The following CERT1 variants were observed in gnomAD, a reference collection of about 807,000 sequenced individuals.
The protein encoded by CERT1 is ceramide transporter 1, also known as ceramide transfer protein.
In CERT1, 31 loss-of-function variants were observed where a neutral mutation model predicts 87.9. The observed-to-expected ratio is 0.35, with a 90% confidence interval of 0.27 to 0.48. CERT1 has a LOEUF of 0.48. Ranked by LOEUF, CERT1 falls within the 20% of genes least tolerant of loss-of-function variation. CERT1 has a pLI of 0.99. For synonymous variants in CERT1, 289 were observed against 250.9 expected, an observed-to-expected ratio of 1.15 and a Z score of -1.44; for missense variants, 487 against 758.0, an observed-to-expected ratio of 0.64 and a Z score of 4.20.
At chr5:75,489,590 A>C (rs982294918) in intron 2 of CERT1, among the ~76,000 whole-genome samples, 5 of 152,248 alleles carry the variant, frequency 3.3e-5, no homozygotes, top group African/African-American at 1.2e-4. Flanking sequence ...ATGAACAGAC[A>C]CTTTTCAAGA....
At chr5:75,382,402 TATC>T (rs1399654154) in intron 14 of CERT1, among the ~76,000 whole-genome samples, 12 of 152,294 alleles carry the variant, frequency 7.9e-5, no homozygotes, top group African/African-American at 2.9e-4. Context: ...CTCTGAAATT[TATC>T]ATCATCCCAA....
At chr5:75,471,201 T>C (rs777652196) in intron 2 of CERT1, among the ~76,000 whole-genome samples, 1 of 152,184 alleles carries the variant, frequency 6.6e-6, no homozygotes, top group African/African-American at 2.4e-5. Flanking sequence ...GGTGATTTCG[T>C]CAGCTATACA....
chr5:75,380,927 A>C (rs1396209235), intron 16 of CERT1, 145 bp downstream of exon 16: 6 of 795,400 alleles, frequency 7.5e-6, no homozygotes, highest in Non-Finnish European at 1.2e-5. Flanking sequence ...AAGATTCTCT[A>C]GTAATTCTGA....
intron 8 of CERT1, among the ~76,000 whole-genome samples, chr5:75,407,586 G>A (rs376537931): frequency 6.6e-6 from 1 of 151,554 alleles, no homozygotes; most frequent in Non-Finnish European, 1.5e-5. Context: ...ACATGGCCAA[G>A]TTAATCGTAA....
chr5:75,413,086 T>G (rs1463234605), intron 7 of CERT1, among the ~76,000 whole-genome samples: 2 of 152,170 alleles, frequency 1.3e-5, no homozygotes, highest in Admixed American at 1.3e-4. Context: ...TTTAAAAAAT[T>G]TATTTTTTTT....
At chr5:75,463,071 T>C (rs1365710784) in intron 2 of CERT1, among the ~76,000 whole-genome samples, 3 of 150,024 alleles carry the variant, frequency 2.0e-5, no homozygotes, top group Non-Finnish European at 3.0e-5. Context: ...TATAATAATG[T>C]AGAGTATCAA....
chr5:75,509,414 T>C (rs1443342741), intron 1 of CERT1, among the ~76,000 whole-genome samples: 1 of 151,904 alleles, frequency 6.6e-6, no homozygotes, highest in Non-Finnish European at 1.5e-5. Context: ...CTCAGGAAAA[T>C]TTCCTTCATA....
upstream of CERT1, chr5:75,511,665 T>C (rs1768014376): frequency 6.6e-7 from 1 of 1,514,338 alleles, no homozygotes; most frequent in Non-Finnish European, 8.9e-7. Context: ...CTCCCCTTCG[T>C]CCTCCCATTC....
chr5:75,432,442 A>C (rs1763910918), intron 3 of CERT1, among the ~76,000 whole-genome samples: 1 of 152,166 alleles, frequency 6.6e-6, no homozygotes, highest in East Asian at 1.9e-4. Context: ...GATGGTTCTG[A>C]TTTACATTTA....
intron 2 of CERT1, among the ~76,000 whole-genome samples, chr5:75,491,512 C>CA (rs113977857): frequency 1.3e-4 from 19 of 150,028 alleles, no homozygotes; most frequent in African/African-American, 2.7e-4. Context: ...ACTGAAAATA[C>CA]AAAAAAAAAG....
chr5:75,447,758 G>A (rs1190857644), intron 3 of CERT1, among the ~76,000 whole-genome samples: 4 of 151,116 alleles, frequency 2.6e-5, no homozygotes, highest in African/African-American at 9.7e-5. Context: ...ACAGGTGTGA[G>A]CCACCACACC....
chr5:75,498,108 C>T (rs1245607313), intron 2 of CERT1, among the ~76,000 whole-genome samples: 8 of 152,062 alleles, frequency 5.3e-5, no homozygotes, highest in Non-Finnish European at 1.2e-4. Context: ...TGCCCCTGCC[C>T]TAGAGATCTA....
chr5:75,385,376 G>A (rs1358684315), intron 13 of CERT1, among the ~76,000 whole-genome samples: 1 of 152,188 alleles, frequency 6.6e-6, no homozygotes, highest in Non-Finnish European at 1.5e-5. Context: ...GGGAGGCTGA[G>A]GCAGAAGAAT....
intron 3 of CERT1, among the ~76,000 whole-genome samples, chr5:75,443,044 T>TA (rs562520169): frequency 2.5e-4 from 38 of 152,290 alleles, no homozygotes; most frequent in Admixed American, 1.8e-3. Flanking sequence ...CCCTTGTGAA[T>TA]AAGGTAGGAC....
chr5:75,414,314 T>C (rs577885212), intron 7 of CERT1, among the ~76,000 whole-genome samples: 1 of 152,282 alleles, frequency 6.6e-6, no homozygotes, highest in Non-Finnish European at 1.5e-5. Context: ...TATATCTTGA[T>C]CTGTCTATGG....
intron 2 of CERT1, among the ~76,000 whole-genome samples, chr5:75,498,369 C>A (rs1714845089): frequency 6.6e-6 from 1 of 152,208 alleles, no homozygotes; most frequent in African/African-American, 2.4e-5. Context: ...ATGTCCGAGA[C>A]CTTCATGGCA....
At chr5:75,428,551 G>A (rs111860699) in intron 3 of CERT1, among the ~76,000 whole-genome samples, 11,888 of 151,938 alleles carry the variant, frequency 0.078, 558 homozygotes, top group South Asian at 0.17. Flanking sequence ...AGTGGCGGGC[G>A]CCTGTAGTCC....
At chr5:75,470,089 C>CTA (rs1257140966) in intron 2 of CERT1, among the ~76,000 whole-genome samples, 2 of 152,068 alleles carry the variant, frequency 1.3e-5, no homozygotes, top group African/African-American at 4.8e-5. Context: ...GAGAGAAAGA[C>CTA]TACACACAAT....
At position 75,427,951 on chromosome 5, in the gene CERT1, ATTAT is replaced by A. The variant is rs530200837; in HGVS notation, c.349-1477_349-1474del. On this transcript the variant is annotated intron_variant, in intron 3 of 16. Coordinates refer to ENST00000643780, the MANE Select transcript of CERT1 (RefSeq NM_001379029.1). The stretch of plus-strand genomic sequence containing the variant: ...ATCAAACCTATGGTTACAATGAAAA[ATTAT>A]TTAAAGTTACAAACATTTCAAGATT... Among the ~76,000 whole-genome samples, 145 of 152,312 alleles carry A rather than the reference ATTAT, an allele frequency of 9.5e-4. No homozygotes were observed. The Middle Eastern group carries it at 0.01, about 11-fold the overall frequency.
Sources: allele counts gnomAD v4.1 joint callset (sites outside exome capture counted in the v4.1 genomes callset), GRCh38; gene constraint gnomAD v4.1.1; transcripts MANE v1.5; gene names NCBI Gene and HGNC (gene_info 2026-07-23, HGNC 2026-07-21).